Variants in PUDP observed in about 807,000 individuals in gnomAD.
The protein encoded by PUDP is pseudouridine-5'-phosphatase.
In PUDP, 8 loss-of-function variants were observed where a neutral mutation model predicts 9.4. The ratio of observed to expected loss-of-function variants is 0.85; its 90% CI spans 0.50 to 1.53. The LOEUF (loss-of-function observed/expected upper bound fraction) is 1.53. Ranked by LOEUF, PUDP falls within the 40% of genes most tolerant of loss-of-function variation. The pLI is 0.00. For missense variants in PUDP, 188 were observed against 189.7 expected (o/e 0.99, Z 0.05); for synonymous variants, 99 against 80.7 (o/e 1.23, Z -1.22).
chrX:6,771,226 T>C (rs748069914), intron 3 of PUDP, among the ~76,000 whole-genome samples: 49 of 111,888 alleles, frequency 4.4e-4, no homozygotes, highest in South Asian at 1.5e-3. Flanking sequence ...GAAGTCTTGT[T>C]CTGCTCCAGA....
intron 3 of PUDP, among the ~76,000 whole-genome samples, chrX:6,795,725 T>C (rs897947629): frequency 4.5e-5 from 5 of 111,772 alleles, no homozygotes; most frequent in Non-Finnish European, 9.4e-5. Context: ...CAATACAGGC[T>C]GTCAGCACCT....
chrX:6,803,721 T>C (rs1022747894), intron 3 of PUDP, among the ~76,000 whole-genome samples: 2 of 111,955 alleles, frequency 1.8e-5, no homozygotes, highest in African/African-American at 3.2e-5. Context: ...CACAATCCTA[T>C]TTTACACCAC....
intron 3 of PUDP, among the ~76,000 whole-genome samples, chrX:6,864,024 A>G (rs1487119726): frequency 9.0e-6 from 1 of 111,143 alleles, no homozygotes; most frequent in Non-Finnish European, 1.9e-5. Context: ...AGGACTCACA[A>G]TGTTCTAAGA....
At chrX:6,921,375 C>A (rs980783686) in intron 3 of PUDP, among the ~76,000 whole-genome samples, 1 of 110,005 alleles carries the variant, frequency 9.1e-6, no homozygotes, top group Non-Finnish European at 1.9e-5. Flanking sequence ...CAGAGCAGGA[C>A]CCTGTCTCAA....
chrX:6,818,969 G>T (rs377408051), intron 3 of PUDP, among the ~76,000 whole-genome samples: 1 of 111,574 alleles, frequency 9.0e-6, no homozygotes, highest in East Asian at 2.8e-4. Flanking sequence ...AAGAACAAAC[G>T]GTATATAAAA....
Position 6,743,382 on chromosome X carries a change from G to A in PUDP, c.*248-36916C>T, listed in dbSNP as rs12392213. 8.7e-3 allele frequency among the ~76,000 whole-genome samples: 971 copies of A among 111,739 alleles called. 16 individuals carry two copies. Among genetic ancestry groups the A allele is most frequent in the African/African-American group, 0.029 (888 of 30,543 alleles). ...TGACTTAGTGTTTCCCATTTACCAA[G>A]ATTGTACCAGCTAATGTAAAGGGTT... On this transcript the variant is annotated intron_variant and NMD_transcript_variant, in intron 3 of 3. Transcript: ENST00000655425.
At chrX:7,022,077 G>A (rs1232933966) in intron 1 of PUDP, among the ~76,000 whole-genome samples, 2 of 110,923 alleles carry the variant, frequency 1.8e-5, no homozygotes, top group East Asian at 2.8e-4. Context: ...CGGCCAGGTC[G>A]GTACTTTCCT....
chrX:6,808,865 A>T (rs1275314497), intron 3 of PUDP, among the ~76,000 whole-genome samples: 1 of 112,604 alleles, frequency 8.9e-6, no homozygotes, highest in Non-Finnish European at 1.9e-5. Flanking sequence ...AACAAGAAAT[A>T]GTCCCTATTC....
intron 3 of PUDP, among the ~76,000 whole-genome samples, chrX:6,768,193 T>C (rs752891798): frequency 3.6e-4 from 40 of 111,691 alleles, no homozygotes; most frequent in African/African-American, 1.3e-3. Context: ...CTAGAGCCAT[T>C]TGGGGTTGTT....
chrX:7,059,290 A>G (rs893350171), intron 3 of PUDP, among the ~76,000 whole-genome samples: 2 of 111,779 alleles, frequency 1.8e-5, no homozygotes, highest in African/African-American at 6.5e-5. Context: ...AGACAGCTCA[A>G]AAAACCTTCC....
chrX:6,827,270 A>C (rs1926437655), intron 3 of PUDP, among the ~76,000 whole-genome samples: 1 of 111,853 alleles, frequency 8.9e-6, no homozygotes, highest in Admixed American at 9.5e-5. Context: ...GTCTTGAACA[A>C]AGAATTGGAC....
chrX:6,755,985 G>A (rs1925164929), intron 3 of PUDP, among the ~76,000 whole-genome samples: 1 of 111,233 alleles, frequency 9.0e-6, no homozygotes, highest in Non-Finnish European at 1.9e-5. Context: ...GATTAGGAAG[G>A]TCAAAGTCAC....
At chrX:7,088,974 A>G (rs1364446453) in intron 2 of PUDP, among the ~76,000 whole-genome samples, 1 of 112,059 alleles carries the variant, frequency 8.9e-6, no homozygotes. Context: ...TGAACAGCAT[A>G]ATATCAACAA....
chrX:7,082,461 TG>T (rs763635417), intron 2 of PUDP, among the ~76,000 whole-genome samples: 3 of 111,390 alleles, frequency 2.7e-5, no homozygotes, highest in Admixed American at 9.5e-5. Flanking sequence ...CAGAATCAAG[TG>T]GGGGGTACCG....
chrX:7,021,719 T>C (rs1000552344), intron 1 of PUDP, among the ~76,000 whole-genome samples: 1 of 111,953 alleles, frequency 8.9e-6, no homozygotes, highest in African/African-American at 3.2e-5. Flanking sequence ...CACATTGGTG[T>C]TGAGGATGGA....
rs150914709 is a variant in PUDP, at chrX:7,003,798, C to G, written c.205-25455G>C. On this transcript the variant is annotated intron_variant and NMD_transcript_variant, in intron 1 of 3. Transcript: ENST00000655425. ...AACTTCAGTAAAATTTCAAAAATAT[C>G]CACAATTTTGATAGTGATGACCTCC... 5.1e-3 allele frequency among the ~76,000 whole-genome samples: 566 copies of G among 111,669 alleles called. 6 individuals carry two copies. The highest frequency in any genetic ancestry group is 0.017 in the African/African-American group (529 of 30,637).
At chrX:6,763,635 T>C (rs145032854) in intron 3 of PUDP, among the ~76,000 whole-genome samples, 1 of 111,499 alleles carries the variant, frequency 9.0e-6, no homozygotes, top group Non-Finnish European at 1.9e-5. Flanking sequence ...TATCAAAACT[T>C]GGTTAAACGC....
intron 3 of PUDP, among the ~76,000 whole-genome samples, chrX:6,933,879 T>A (rs1042523197): frequency 4.5e-5 from 5 of 110,493 alleles, no homozygotes; most frequent in Non-Finnish European, 1.9e-5. Context: ...AGAAAGGGTA[T>A]CAGTGATGGA....
Position 6,902,265 on chromosome X carries a change from C to T in PUDP, c.*247+74868G>A, listed in dbSNP as rs760962552. On this transcript the variant is annotated intron_variant and NMD_transcript_variant, in intron 3 of 3. Coordinates refer to the PUDP transcript ENST00000655425. ...TGCTAAAATCACATAGGTCTTGTGA[C>T]CAGACAGTACTAGAAGCCAGTCTGT... 2.7e-5 allele frequency among the ~76,000 whole-genome samples: 3 copies of T among 111,861 alleles called. 1 individual carries two copies. The highest frequency in any genetic ancestry group is 9.7e-5 in the African/African-American group (3 of 30,862).
Sources: gnomAD v4.1 joint callset for allele counts (sites outside exome capture counted in the v4.1 genomes callset) on GRCh38, gnomAD v4.1.1 for gene constraint, MANE v1.5 for transcripts, NCBI Gene and HGNC (gene_info 2026-07-23, HGNC 2026-07-21) for gene names.